KIF3C: variants seen among roughly 807,000 people sequenced by gnomAD.
KIF3C encodes kinesin-like protein KIF3C.
Under a neutral mutation model 67.7 loss-of-function variants are expected in KIF3C, and 12 were observed. That is an observed-to-expected ratio of 0.18 (90% CI 0.11 to 0.29). KIF3C has a LOEUF of 0.29. Ranked by LOEUF, KIF3C falls within the 10% of genes least tolerant of loss-of-function variation. The pLI, the probability that KIF3C is intolerant of heterozygous loss-of-function variation, is 1.00. For synonymous variants in KIF3C, 393 were observed against 426.2 expected, an observed-to-expected ratio of 0.92 and a Z score of 0.96; for missense variants, 789 against 1,059.6, an observed-to-expected ratio of 0.74 and a Z score of 3.55.
chr2:25,953,166 G>C (rs1663672016), intron 4 of KIF3C, among the ~76,000 whole-genome samples: 1 of 151,372 alleles, frequency 6.6e-6, no homozygotes, highest in Non-Finnish European at 1.5e-5. Flanking sequence ...CTACTCAGGA[G>C]GCTGAGGCAG....
At chr2:25,972,617 T>C (rs1039855815) in intron 1 of KIF3C, among the ~76,000 whole-genome samples, 6 of 152,294 alleles carry the variant, frequency 3.9e-5, no homozygotes, top group Non-Finnish European at 7.4e-5. Flanking sequence ...TCAGAGTGTC[T>C]AGCATGGGGC....
rs926972100 is a variant in KIF3C, at chr2:25,955,061, A to G, written c.1770+480T>C. Among the ~76,000 whole-genome samples, 8 of 151,982 alleles carry G rather than the reference A, an allele frequency of 5.3e-5. No homozygotes were observed. The highest frequency in any genetic ancestry group is 1.0e-4 in the Non-Finnish European group (7 of 67,976). On this transcript the variant is annotated intron_variant, in intron 3 of 7. Transcript: ENST00000264712. This position sits in a 1 kb window ranked among gnomAD's most constrained non-coding sequence, Gnocchi z 5.0. ...GCTTCCTGCCCTAGACCCCCCTCAC[A>G]TGTACATGTCTTTCCCTTGCCACGG...
intron 5 of KIF3C, among the ~76,000 whole-genome samples, chr2:25,948,606 GAAAGAGAAAGAGAA>G: frequency 7.5e-6 from 1 of 133,170 alleles, no homozygotes; most frequent in East Asian, 2.0e-4. Flanking sequence ...GAGAAAGAAA[GAAAGAGAAAGAGAA>G]AGAGAGAAAG....
intron 5 of KIF3C, among the ~76,000 whole-genome samples, chr2:25,930,798 C>T (rs569043036): frequency 7.2e-5 from 11 of 152,254 alleles, no homozygotes; most frequent in Admixed American, 5.2e-4. Context: ...CTCAACCTCC[C>T]GATGTACTGG....
At chr2:25,965,166 G>A (rs1459669924) in intron 1 of KIF3C, among the ~76,000 whole-genome samples, 1 of 152,196 alleles carries the variant, frequency 6.6e-6, no homozygotes, top group Non-Finnish European at 1.5e-5. Flanking sequence ...CACTGGCCAA[G>A]TCTTGCCCAC....
chr2:25,930,704 AT>A (rs1270894269), intron 5 of KIF3C, among the ~76,000 whole-genome samples: 1 of 151,868 alleles, frequency 6.6e-6, no homozygotes, highest in Non-Finnish European at 1.5e-5. Context: ...CGCCTGGCTA[AT>A]TTTTTGTATT....
intron 1 of KIF3C, among the ~76,000 whole-genome samples, chr2:25,962,960 T>TATATAATATATATA (rs1664018686): frequency 6.3e-5 from 2 of 31,984 alleles, no homozygotes; most frequent in South Asian, 6.4e-4. Context: ...TAATATATAA[T>TATATAATATATATA]ATATATAATA....
intron 1 of KIF3C, among the ~76,000 whole-genome samples, chr2:25,965,181 T>G (rs1276958036): frequency 6.6e-6 from 1 of 152,136 alleles, no homozygotes; most frequent in African/African-American, 2.4e-5. Flanking sequence ...GCCCACTTGC[T>G]CAAACCCACA....
intron 5 of KIF3C, among the ~76,000 whole-genome samples, chr2:25,950,084 G>T (rs962599301): frequency 6.6e-6 from 1 of 151,166 alleles, no homozygotes. Context: ...TAGAGACGGG[G>T]TTTCACCACG....
intron 1 of KIF3C, among the ~76,000 whole-genome samples, chr2:25,963,918 G>A (rs1221826729): frequency 6.6e-6 from 1 of 151,906 alleles, no homozygotes; most frequent in African/African-American, 2.4e-5. Context: ...GTCTCAAACT[G>A]CTGACCTTGT....
chr2:25,939,814 G>A (rs1208777114), intron 5 of KIF3C, among the ~76,000 whole-genome samples: 3 of 151,942 alleles, frequency 2.0e-5, no homozygotes, highest in Admixed American at 6.6e-5. Context: ...GCTGGGCATG[G>A]TGGTGCACCC....
intron 5 of KIF3C, among the ~76,000 whole-genome samples, chr2:25,944,248 TATTTCTTGGA>T (rs1462275641): frequency 6.6e-6 from 1 of 152,020 alleles, no homozygotes; most frequent in Non-Finnish European, 1.5e-5. Context: ...TAAAGTAATT[TATTTCTTGGA>T]ATTCTTTATT....
chr2:25,945,735 C>T (rs1663415996), intron 5 of KIF3C, among the ~76,000 whole-genome samples: 1 of 152,038 alleles, frequency 6.6e-6, no homozygotes, highest in African/African-American at 2.4e-5. Context: ...CAGTGCACCG[C>T]AGCCTGGGTG....
chr2:25,934,503 C>T (rs1009686508), intron 5 of KIF3C, among the ~76,000 whole-genome samples: 8 of 151,622 alleles, frequency 5.3e-5, no homozygotes, highest in Non-Finnish European at 8.8e-5. Flanking sequence ...CGCTTGAACC[C>T]GGGAGGCAGA....
intron 1 of KIF3C, among the ~76,000 whole-genome samples, chr2:25,971,479 A>G (rs1284062747): frequency 6.6e-6 from 1 of 152,006 alleles, no homozygotes; most frequent in African/African-American, 2.4e-5. Context: ...AGCTCAGCCC[A>G]GGGCCTGGGA....
chr2:25,941,057 A>C (rs1035869042), intron 5 of KIF3C, among the ~76,000 whole-genome samples: 1 of 152,186 alleles, frequency 6.6e-6, no homozygotes, highest in Non-Finnish European at 1.5e-5. Context: ...CTTGTAACCC[A>C]GCACTTTGGG....
chr2:25,946,883 T>C (rs1367577639), intron 5 of KIF3C, among the ~76,000 whole-genome samples: 1 of 149,674 alleles, frequency 6.7e-6, no homozygotes, highest in African/African-American at 2.4e-5. Context: ...CTGGGCGCAG[T>C]GGCTCACGCC....
intron 5 of KIF3C, among the ~76,000 whole-genome samples, chr2:25,932,012 T>C (rs2090464638): frequency 6.7e-6 from 1 of 149,400 alleles, no homozygotes; most frequent in Admixed American, 6.7e-5. Flanking sequence ...TGTTTTTTTT[T>C]TTTTTTTTTG....
At chr2:25,950,204 G>T (rs1663559619) in intron 5 of KIF3C, among the ~76,000 whole-genome samples, 1 of 149,698 alleles carries the variant, frequency 6.7e-6, no homozygotes, top group Non-Finnish European at 1.5e-5. Flanking sequence ...CCAGCAGAAA[G>T]ACCTTTTCTT....
Sources: allele counts gnomAD v4.1 joint callset (sites outside exome capture counted in the v4.1 genomes callset), GRCh38; gene constraint gnomAD v4.1.1; non-coding constraint Gnocchi (gnomAD v3.1); transcripts MANE v1.5; gene names NCBI Gene and HGNC (gene_info 2026-07-23, HGNC 2026-07-21).